The following PRDX4 variants were observed in gnomAD, a reference collection of about 807,000 sequenced individuals.
PRDX4 encodes peroxiredoxin-4.
A neutral mutation model predicts 20.5 loss-of-function variants in PRDX4; 12 were observed. The ratio of observed to expected loss-of-function variants is 0.58; its 90% CI spans 0.37 to 0.95. The LOEUF (loss-of-function observed/expected upper bound fraction) is 0.95. Among genes scored for constraint, PRDX4 ranks in the 40% least tolerant of loss-of-function variants. The pLI, the probability that PRDX4 is intolerant of heterozygous loss-of-function variation, is 0.01. For missense variants in PRDX4, 180 were observed against 207.3 expected (o/e 0.87, Z 0.81); for synonymous variants, 99 against 87.5 (o/e 1.13, Z -0.73).
At chrX:23,679,328 GT>G in intron 4 of PRDX4, 41 bp downstream of exon 4, 1 of 1,128,157 alleles carries the variant, frequency 8.9e-7, no homozygotes, top group Non-Finnish European at 1.2e-6. Flanking sequence ...ATCCAAGCGT[GT>G]TTATAATCCT....
At position 23,669,232 on chromosome X, in the gene PRDX4, G is replaced by A. The variant is rs1272762968; in HGVS notation, c.241+1421G>A. On this transcript the variant is annotated intron_variant, in intron 1 of 6. Coordinates refer to ENST00000379341, the MANE Select transcript of PRDX4 (RefSeq NM_006406.2). ...AGCCACGGTGCCCAGCCTACTTTGA[G>A]ATTTTTAACAAAACCAGTCTTAAAT... 1.2e-4 allele frequency among the ~76,000 whole-genome samples: 14 copies of A among 112,125 alleles called. No individual in the cohort carries two copies. The Admixed American group carries it at 1.3e-3, about 11-fold the overall frequency.
chrX:23,668,285 T>G (rs1373998886), intron 1 of PRDX4, among the ~76,000 whole-genome samples: 1 of 112,464 alleles, frequency 8.9e-6, no homozygotes. Context: ...TTTCTTCCTT[T>G]TTGTTTGCAT....
intron 2 of PRDX4, among the ~76,000 whole-genome samples, chrX:23,672,733 A>G (rs929816707): frequency 9.9e-5 from 11 of 111,560 alleles, no homozygotes; most frequent in Non-Finnish European, 2.1e-4. Context: ...CTAATCTGGA[A>G]CTACATAGAT....
At chrX:23,669,371 A>G (rs1350492128) in intron 1 of PRDX4, among the ~76,000 whole-genome samples, 2 of 112,258 alleles carry the variant, frequency 1.8e-5, no homozygotes. Context: ...TAGGAAACAA[A>G]TCTACTTCAA....
At chrX:23,671,905 G>A (rs1210961192) in intron 2 of PRDX4, among the ~76,000 whole-genome samples, 2 of 112,199 alleles carry the variant, frequency 1.8e-5, no homozygotes, top group East Asian at 2.8e-4. Flanking sequence ...TACCTACTAA[G>A]GCAAGAAAAT....
chrX:23,677,418 T>C (rs1362764846), intron 3 of PRDX4, among the ~76,000 whole-genome samples: 1 of 111,635 alleles, frequency 9.0e-6, no homozygotes, highest in African/African-American at 3.3e-5. Flanking sequence ...AAATGCTTAG[T>C]GAAGCATTTC....
At chrX:23,680,149 G>A (rs919841423) in intron 4 of PRDX4, among the ~76,000 whole-genome samples, 1 of 112,070 alleles carries the variant, frequency 8.9e-6, no homozygotes, top group African/African-American at 3.2e-5. Flanking sequence ...TCATCTTACA[G>A]ATAAAAGAGA....
intron 3 of PRDX4, among the ~76,000 whole-genome samples, chrX:23,676,324 T>A (rs191079138): frequency 2.3e-3 from 259 of 111,130 alleles, no homozygotes; most frequent in African/African-American, 8.0e-3. Context: ...AAGAAATTAA[T>A]TCCCATAAGT....
At chrX:23,676,136 CAAAAAAAAAA>C (rs55792240) in intron 3 of PRDX4, among the ~76,000 whole-genome samples, 27 of 54,984 alleles carry the variant, frequency 4.9e-4, no homozygotes, top group East Asian at 5.7e-4. Flanking sequence ...AACTCCATCT[CAAAAAAAAAA>C]AAAAAAAAAA....
rs769792792 is a variant in PRDX4 at position 23,668,617 on chromosome X, G to A, written c.241+806G>A. ...TGTTAAAATTAACCAAAAGTGAACA[G>A]TGGCTATAGATAAAGGCTGTCTCTT... On this transcript the variant is annotated intron_variant, in intron 1 of 6. Coordinates refer to ENST00000379341, the MANE Select transcript of PRDX4 (RefSeq NM_006406.2). Among the ~76,000 whole-genome samples, 4 of 112,716 alleles carry A rather than the reference G, an allele frequency of 3.5e-5. No homozygotes were observed. The South Asian group carries it at 1.5e-3, about 41-fold the overall frequency.
In PRDX4 at chrX:23,682,390, T is replaced by C; in HGVS notation, c.600-6T>C. ...ACCTCATCTCTACCATTCTTCTGTT[T>C]TACAGAGGTCTCTTCATTATTGATG... On this transcript the variant is annotated splice_polypyrimidine_tract_variant and splice_region_variant and intron_variant, in intron 4 of 6. Transcript: ENST00000379341. The C allele has an allele frequency of 2.6e-6, 3 of 1,140,871 alleles. No homozygotes were observed. The highest frequency in any genetic ancestry group is 2.3e-6 in the Non-Finnish European group (2 of 852,103). 94.0% of individuals were successfully genotyped at this position (1,140,871 alleles called of 1,213,427 possible). A position where few individuals can be genotyped will look rare whatever the true frequency, so the allele number is the denominator to read the frequency against.
intron 1 of PRDX4, among the ~76,000 whole-genome samples, chrX:23,670,976 G>A (rs1259665885): frequency 8.9e-6 from 1 of 112,117 alleles, no homozygotes; most frequent in Non-Finnish European, 1.9e-5. Flanking sequence ...CTATAGTGAA[G>A]TATCCAGGAG....
chrX:23,672,450 C>CT (rs1032378391), intron 2 of PRDX4, among the ~76,000 whole-genome samples: 10 of 111,433 alleles, frequency 9.0e-5, no homozygotes, highest in Admixed American at 3.8e-4. Context: ...GGTTTCTCGT[C>CT]TTTTTTTAAC....
chrX:23,680,605 A>G (rs991890159), intron 4 of PRDX4, among the ~76,000 whole-genome samples: 2 of 111,492 alleles, frequency 1.8e-5, no homozygotes, highest in Non-Finnish European at 3.8e-5. Flanking sequence ...AAAGAATACA[A>G]TTCAGCTGGG....
chrX:23,685,154 A>G (rs1928159330), intron 6 of PRDX4, among the ~76,000 whole-genome samples: 1 of 111,885 alleles, frequency 8.9e-6, no homozygotes, highest in Non-Finnish European at 1.9e-5. Context: ...AATGTCCGGT[A>G]CTCATCCTAT....
chrX:23,682,841 AAAAAAAAAAAAAATAT>A (rs1405147660), intron 5 of PRDX4, among the ~76,000 whole-genome samples: 1 of 46,990 alleles, frequency 2.1e-5, no homozygotes, highest in African/African-American at 6.6e-5. Flanking sequence ...AAAAAAAAAA[AAAAAAAAAAAAAATAT>A]ATATATATAT....
intron 2 of PRDX4, among the ~76,000 whole-genome samples, chrX:23,672,099 A>G (rs1336837906): frequency 9.0e-6 from 1 of 111,288 alleles, no homozygotes; most frequent in East Asian, 2.8e-4. Flanking sequence ...CATCTCTACT[A>G]AAAATGCAAA....
chrX:23,679,385 C>G lies in PRDX4; in HGVS notation c.599+98C>G. ...ATGAAATAGAAGAACAAATTTTGAT[C>G]AAGAAATATAATTTTGAGGCCAGGC... On this transcript the variant is annotated intron_variant, in intron 4 of 6. Coordinates refer to ENST00000379341, the MANE Select transcript of PRDX4 (RefSeq NM_006406.2). 7 of 986,054 alleles carry G rather than the reference C, an allele frequency of 7.1e-6. No individual in the cohort carries two copies. In the South Asian group the frequency reaches 1.8e-4, roughly 25 times the overall value. The allele number at this position is 986,054 out of a possible 1,213,427, so 81.3% of individuals were successfully genotyped here.
At chrX:23,669,603 G>T (rs191064303) in intron 1 of PRDX4, among the ~76,000 whole-genome samples, 24 of 111,473 alleles carry the variant, frequency 2.2e-4, no homozygotes, top group African/African-American at 7.8e-4. Context: ...GATGCAACAC[G>T]TGGCAAATTT....
Sources: gnomAD v4.1 joint callset for allele counts (sites outside exome capture counted in the v4.1 genomes callset) on GRCh38, gnomAD v4.1.1 for gene constraint, MANE v1.5 for transcripts, NCBI Gene and HGNC (gene_info 2026-07-23, HGNC 2026-07-21) for gene names.